ADCY2: variants seen among roughly 807,000 people sequenced by gnomAD.
The protein encoded by ADCY2 is adenylate cyclase type 2.
ADCY2 carries 31 observed loss-of-function variants against 125.2 expected under a neutral mutation model. The observed-to-expected ratio is 0.25, with a 90% CI of 0.19 to 0.33. The LOEUF (loss-of-function observed/expected upper bound fraction) is 0.33. Among genes scored for constraint, ADCY2 ranks in the 10% least tolerant of loss-of-function variants. ADCY2 has a pLI of 1.00. For missense variants in ADCY2, 904 were observed against 1,418.2 expected (o/e 0.64, Z 5.82); for synonymous variants, 512 against 548.4 (o/e 0.93, Z 0.93).
chr5:7,606,732 G>C (rs1333144009), intron 3 of ADCY2, among the ~76,000 whole-genome samples: 1 of 152,012 alleles, frequency 6.6e-6, no homozygotes, highest in Non-Finnish European at 1.5e-5. Flanking sequence ...CTTGATGCTT[G>C]TTATTTTTCG....
At chr5:7,443,093 C>T (rs1435711746) in intron 2 of ADCY2, among the ~76,000 whole-genome samples, 2 of 152,114 alleles carry the variant, frequency 1.3e-5, no homozygotes, top group Non-Finnish European at 2.9e-5. Context: ...CCCTGACACA[C>T]CCTCCATCTT....
chr5:7,795,240 A>G (rs1744384441), intron 20 of ADCY2: 1 of 152,240 alleles, frequency 6.6e-6, no homozygotes, highest in Admixed American at 6.5e-5. Context: ...AGCTCTTAGA[A>G]CTGTGCATGG....
At chr5:7,636,576 A>G (rs1011984422) in intron 4 of ADCY2, among the ~76,000 whole-genome samples, 1 of 152,224 alleles carries the variant, frequency 6.6e-6, no homozygotes, top group African/African-American at 2.4e-5. Context: ...GGGGATGGAA[A>G]CTGTGTCAAA....
At chr5:7,755,556 T>A (rs553206664) in intron 15 of ADCY2, among the ~76,000 whole-genome samples, 6 of 152,220 alleles carry the variant, frequency 3.9e-5, no homozygotes, top group African/African-American at 1.4e-4. Flanking sequence ...CTAACACTTG[T>A]AAGTCCTGTT....
At chr5:7,618,230 C>T (rs1018916454) in intron 3 of ADCY2, among the ~76,000 whole-genome samples, 1 of 152,166 alleles carries the variant, frequency 6.6e-6, no homozygotes, top group Admixed American at 6.5e-5. Flanking sequence ...TGTCTTCTTA[C>T]GTTTGATGTC....
At chr5:7,528,985 C>T (rs1281434641) in intron 3 of ADCY2, among the ~76,000 whole-genome samples, 1 of 152,226 alleles carries the variant, frequency 6.6e-6, no homozygotes, top group Non-Finnish European at 1.5e-5. Context: ...TCTTGCAGCA[C>T]AGAATGAGGA....
chr5:7,540,696 C>T (rs931546653), intron 3 of ADCY2, among the ~76,000 whole-genome samples: 2 of 152,156 alleles, frequency 1.3e-5, no homozygotes, highest in Admixed American at 1.3e-4. Context: ...GCATTTCTCC[C>T]AGTTCTTGTC....
intron 1 of ADCY2, among the ~76,000 whole-genome samples, chr5:7,405,565 G>A (rs987567172): frequency 6.6e-6 from 1 of 152,146 alleles, no homozygotes. Context: ...TTTGCATGGA[G>A]TTCAGGAGCT....
chr5:7,610,798 G>C (rs1319425488), intron 3 of ADCY2, among the ~76,000 whole-genome samples: 1 of 152,178 alleles, frequency 6.6e-6, no homozygotes, highest in African/African-American at 2.4e-5. Context: ...GGCCTGTGTG[G>C]TTTTCTTATG....
chr5:7,424,069 A>G (rs1740303457), intron 2 of ADCY2, among the ~76,000 whole-genome samples: 1 of 152,244 alleles, frequency 6.6e-6, no homozygotes, highest in Non-Finnish European at 1.5e-5. Context: ...ACTTTGTACA[A>G]ATAAAAATAA....
rs1460775652 is a variant in ADCY2, at chr5:7,766,764, T to A, written c.2172T>A (p.Asn724Lys). ...TTNTSFSASN[N>K]QVAILRAQNL... ...ACACAAGCTTTTCAGCCTCAAATAATCAGGTGGCGATTCTGCGTGCGCAGA... is the reference window on the plus strand; with the variant it reads ...ACACAAGCTTTTCAGCCTCAAATAAACAGGTGGCGATTCTGCGTGCGCAGA... Residue 724 changes from asparagine to lysine, a missense_variant, in exon 17 of 25, where the codon AAT becomes AAA. Around this residue, in one of 7 missense-constraint regions of ADCY2, gnomAD observed 221 missense variants for 246.2 expected, o/e 0.90. Coordinates refer to ENST00000338316, the MANE Select transcript of ADCY2 (RefSeq NM_020546.3). The A allele has an allele frequency of 6.2e-7, 1 of 1,612,636 alleles. No individual in the cohort carries two copies. The highest frequency in any genetic ancestry group is 1.7e-5 in the Admixed American group (1 of 59,572).
chr5:7,780,539 G>C (rs1743883923), intron 18 of ADCY2, among the ~76,000 whole-genome samples: 1 of 152,120 alleles, frequency 6.6e-6, no homozygotes, highest in Non-Finnish European at 1.5e-5. Context: ...TGTTAGCCTG[G>C]TCTTTATAAG....
At chr5:7,501,131 TAAAAAAAAAAAAAAAGG>T in intron 2 of ADCY2, among the ~76,000 whole-genome samples, 1 of 144,014 alleles carries the variant, frequency 6.9e-6, no homozygotes, top group African/African-American at 2.5e-5. Context: ...AGCTTTTTTT[TAAAAAAAAAAAAAAAGG>T]TCTACATTTT....
intron 2 of ADCY2, among the ~76,000 whole-genome samples, chr5:7,460,280 G>A (rs997502802): frequency 3.3e-5 from 5 of 152,022 alleles, no homozygotes; most frequent in African/African-American, 1.2e-4. Context: ...CCAGGCTGAA[G>A]AGCAGTGAGG....
chr5:7,793,563 G>C (rs1218248603), intron 20 of ADCY2: 1 of 152,212 alleles, frequency 6.6e-6, no homozygotes, highest in Admixed American at 6.5e-5. Context: ...CAGGAGCCCG[G>C]AGTGGGGACT....
At chr5:7,684,847 A>C (rs965720742) in intron 4 of ADCY2, among the ~76,000 whole-genome samples, 1 of 151,640 alleles carries the variant, frequency 6.6e-6, no homozygotes, top group Non-Finnish European at 1.5e-5. Context: ...GTTAAGTGAG[A>C]AAATAAGATA....
At chr5:7,803,175 G>C (rs1488934855) in intron 21 of ADCY2, among the ~76,000 whole-genome samples, 1 of 152,208 alleles carries the variant, frequency 6.6e-6, no homozygotes, top group African/African-American at 2.4e-5. Flanking sequence ...ATGACCGTCA[G>C]CGATTACCAC....
intron 14 of ADCY2, among the ~76,000 whole-genome samples, chr5:7,742,915 T>G (rs1391901427): frequency 6.6e-6 from 1 of 152,322 alleles, no homozygotes; most frequent in Non-Finnish European, 1.5e-5. Context: ...CTTTGATGAT[T>G]CACTGTGCTT....
At chr5:7,404,925 G>C (rs1739416398) in intron 1 of ADCY2, among the ~76,000 whole-genome samples, 1 of 152,130 alleles carries the variant, frequency 6.6e-6, no homozygotes, top group South Asian at 2.1e-4. Flanking sequence ...CCTTCATGTG[G>C]CCTCTCTTCA....
Sources: gnomAD v4.1 joint callset for allele counts (sites outside exome capture counted in the v4.1 genomes callset) on GRCh38, gnomAD v4.1.1 for gene constraint, gnomAD v4.1.1 regional missense constraint, MANE v1.5 for transcripts, NCBI Gene and HGNC (gene_info 2026-07-23, HGNC 2026-07-21) for gene names.